The following MERTK variants were observed in gnomAD, a reference collection of about 807,000 sequenced individuals.
The protein encoded by MERTK is MER proto-oncogene, tyrosine kinase, also known as tyrosine-protein kinase Mer.
MERTK carries 69 observed loss-of-function variants against 99.3 expected under a neutral mutation model. The ratio of observed to expected loss-of-function variants is 0.70; its 90% confidence interval spans 0.57 to 0.85. The LOEUF is 0.85. Among genes scored for constraint, MERTK ranks in the 40% least tolerant of loss-of-function variants. MERTK has a pLI of 0.00. For missense variants in MERTK, 1,125 were observed against 1,249.4 expected (o/e 0.90, Z 1.50); for synonymous variants, 426 against 467.6 (o/e 0.91, Z 1.15).
chr2:111,992,916 G>A (rs1676658288), intron 8 of MERTK, among the ~76,000 whole-genome samples: 1 of 152,128 alleles, frequency 6.6e-6, no homozygotes, highest in Non-Finnish European at 1.5e-5. Context: ...AAACAACCTG[G>A]GGCTTGTGAT....
chr2:112,008,547 T>A, intron 14 of MERTK, 72 bp downstream of exon 14: 1 of 1,136,396 alleles, frequency 8.8e-7, no homozygotes, highest in Admixed American at 1.7e-5. Context: ...AAGGAAAAAA[T>A]CTCTGGTGTA....
At chr2:111,947,714 G>C (rs1684986691) in intron 4 of MERTK, 147 bp downstream of exon 4, 1 of 935,138 alleles carries the variant, frequency 1.1e-6, no homozygotes, top group Non-Finnish European at 1.7e-6. Context: ...CAGGTAGACG[G>C]GAAGGCAGGT....
intron 6 of MERTK, among the ~76,000 whole-genome samples, chr2:111,968,982 G>A (rs564419546): frequency 2.6e-5 from 4 of 152,184 alleles, no homozygotes; most frequent in Non-Finnish European, 4.4e-5. Context: ...GCTACTGAGC[G>A]TAGCACCTTA....
chr2:111,976,739 ATAT>A (rs1440926938), intron 7 of MERTK, among the ~76,000 whole-genome samples: 2 of 151,532 alleles, frequency 1.3e-5, no homozygotes, highest in African/African-American at 2.4e-5. Context: ...TCATTTAAAA[ATAT>A]TATTTTTATA....
chr2:111,950,141 G>A lies in MERTK; in HGVS notation c.757+2574G>A, dbSNP rs6721428. Among the ~76,000 whole-genome samples the A allele has an allele frequency of 1.8e-3, 280 of 152,188 alleles. 1 individual carries two copies. Among genetic ancestry groups the A allele is most frequent in the African/African-American group, 6.5e-3 (271 of 41,488 alleles). On this transcript the variant is annotated intron_variant, in intron 4 of 18. Transcript: ENST00000295408. ...AGTAGAGACAGGGTTTCAGCATGTT[G>A]GTCAGGCTGGTCTCGAATTCCTGAC...
intron 15 of MERTK, 54 bp downstream of exon 15, chr2:112,010,120 G>T: frequency 7.7e-7 from 1 of 1,302,862 alleles, no homozygotes; most frequent in South Asian, 1.2e-5. Flanking sequence ...ATGTGACTTA[G>T]CCAGGACAAC....
chr2:112,006,308 A>T (rs988396057), intron 13 of MERTK, among the ~76,000 whole-genome samples: 2 of 151,876 alleles, frequency 1.3e-5, no homozygotes, highest in African/African-American at 4.9e-5. Context: ...GCCAAAGGAC[A>T]TTGCAGTTAT....
chr2:111,979,709 T>G (rs1044325660), intron 7 of MERTK, among the ~76,000 whole-genome samples: 1 of 152,176 alleles, frequency 6.6e-6, no homozygotes, highest in Non-Finnish European at 1.5e-5. Context: ...AATTCTTCTA[T>G]TAAATGTTTT....
intron 1 of MERTK, among the ~76,000 whole-genome samples, chr2:111,911,086 A>G (rs1684238933): frequency 6.6e-6 from 1 of 152,204 alleles, no homozygotes. Context: ...CCAAGCTGCC[A>G]GGAAGAGTGG....
intron 8 of MERTK, among the ~76,000 whole-genome samples, chr2:111,993,315 C>T (rs996856301): frequency 2.6e-5 from 4 of 152,228 alleles, no homozygotes; most frequent in Non-Finnish European, 5.9e-5. Flanking sequence ...TATCCTTCAC[C>T]ATTGCTAGGA....
chr2:112,015,923 A>G (rs6710733), intron 15 of MERTK: 37,498 of 153,338 alleles, frequency 0.24, 4,860 homozygotes, highest in South Asian at 0.32. Context: ...TAATCCATGA[A>G]AAGACTGTCC....
chr2:111,965,883 T>C (rs2104723281), intron 5 of MERTK, among the ~76,000 whole-genome samples: 1 of 152,352 alleles, frequency 6.6e-6, no homozygotes. Flanking sequence ...TTCACTAGGC[T>C]GAGCTTGCTT....
chr2:111,993,892 G>C (rs974226075), intron 8 of MERTK, among the ~76,000 whole-genome samples: 2 of 152,200 alleles, frequency 1.3e-5, no homozygotes, highest in African/African-American at 4.8e-5. Flanking sequence ...AGTGTGACTG[G>C]CGTATTGTGC....
rs2104741250 is a variant in MERTK at position 111,982,980 on chromosome 2, G to A, written c.1283G>A (p.Ser428Asn). 1 of 1,613,986 alleles carries A rather than the reference G, an allele frequency of 6.2e-7. No homozygotes were observed. Among genetic ancestry groups the A allele is most frequent in the Non-Finnish European group, 8.5e-7 (1 of 1,179,996 alleles). ...VGYRISHVWQ[S>N]AGISKELLEE... is the part of the protein sequence containing the mutation. Reference sequence around the variant, plus strand: ...TACCGGATATCCCACGTGTGGCAGAGTGCAGGGATTTCCGTAAGTCTAAAC... The same window carrying A: ...TACCGGATATCCCACGTGTGGCAGAATGCAGGGATTTCCGTAAGTCTAAAC... Residue 428 changes from serine (S) to asparagine (N), a missense_variant, in exon 8 of 19, where the codon AGT becomes AAT. By Grantham distance (46) the Ser-to-Asn change is conservative. Coordinates refer to ENST00000295408, the MANE Select transcript of MERTK (RefSeq NM_006343.3).
chr2:111,996,889 A>C (rs1314128866), intron 9 of MERTK: 1 of 252,404 alleles, frequency 4.0e-6, no homozygotes, highest in Non-Finnish European at 7.9e-6. Context: ...TATTTAACCT[A>C]CTCTCGATCG....
chr2:111,905,313 C>T (rs990695616), intron 1 of MERTK, among the ~76,000 whole-genome samples: 4 of 151,986 alleles, frequency 2.6e-5, no homozygotes, highest in East Asian at 1.9e-4. Context: ...GGGACATGGC[C>T]GGCATGTGAA....
intron 2 of MERTK, among the ~76,000 whole-genome samples, chr2:111,944,522 T>G (rs1684924904): frequency 6.6e-6 from 1 of 152,430 alleles, no homozygotes. Flanking sequence ...ATTCCTCTGT[T>G]TTAAGGAATT....
intron 1 of MERTK, among the ~76,000 whole-genome samples, chr2:111,922,221 T>C (rs1684472825): frequency 6.6e-6 from 1 of 152,206 alleles, no homozygotes; most frequent in African/African-American, 2.4e-5. Context: ...GGGAGGCTGC[T>C]TGCTGCCACA....
chr2:111,908,431 A>G (rs979839857), intron 1 of MERTK, among the ~76,000 whole-genome samples: 2 of 152,180 alleles, frequency 1.3e-5, no homozygotes, highest in African/African-American at 4.8e-5. Flanking sequence ...CATTAACACT[A>G]CAGTGGAAGT....
Sources: gnomAD v4.1 joint callset for allele counts (sites outside exome capture counted in the v4.1 genomes callset) on GRCh38, gnomAD v4.1.1 for gene constraint, MANE v1.5 for transcripts, NCBI Gene and HGNC (gene_info 2026-07-23, HGNC 2026-07-21) for gene names.